Variants in HYDIN observed in about 807,000 individuals in gnomAD.
HYDIN encodes the protein axonemal central pair apparatus protein HYDIN.
Under a neutral mutation model 403.9 loss-of-function variants are expected in HYDIN, and 132 were observed. That is an observed-to-expected ratio of 0.33 (90% CI 0.28 to 0.38). The LOEUF is 0.38. HYDIN is among the 10% of genes least tolerant of loss of function. The pLI, the probability that HYDIN is intolerant of heterozygous loss-of-function variation, is 1.00. For synonymous variants in HYDIN, 1,202 were observed against 1,891.7 expected, an observed-to-expected ratio of 0.64 and a Z score of 9.46; for missense variants, 2,827 against 5,009.5, an observed-to-expected ratio of 0.56 and a Z score of 13.15.
Position 71,069,500 on chromosome 16 carries a change from A to T in HYDIN, c.1741T>A (p.Phe581Ile). Residue 581 changes from phenylalanine (F) to isoleucine (I), a missense_variant and splice_region_variant, in exon 14 of 86, where the codon TTT becomes ATT. Phe to Ile is a conservative substitution (Grantham distance 21). Transcript: ENST00000393567. ...ALHFGDVSFG[F>I]PHTLICSLNN... ...AGGGAACATATCAAGGTATGAGGAA[A>T]CCCTGGAAAACAAAATATGATGTGA... 6.2e-7 allele frequency: 1 copy of T among 1,611,942 alleles called. No individual in the cohort carries two copies. Among genetic ancestry groups the T allele is most frequent in the Non-Finnish European group, 8.5e-7 (1 of 1,178,566 alleles).
intron 41 of HYDIN, among the ~76,000 whole-genome samples, chr16:70,951,395 C>T: frequency 6.6e-6 from 1 of 152,000 alleles, no homozygotes; most frequent in East Asian, 1.9e-4. Flanking sequence ...CCAATTTCTG[C>T]TTCTATACTG....
chr16:70,957,119 AAACTAT>A (rs1370470515), intron 39 of HYDIN, among the ~76,000 whole-genome samples: 3 of 151,410 alleles, frequency 2.0e-5, no homozygotes, highest in Non-Finnish European at 4.4e-5. Flanking sequence ...TGTACCCATT[AAACTAT>A]AACTCCCCAG....
In HYDIN at chr16:70,805,141, G is replaced by A. The variant is rs1180541352; in HGVS notation, c.*2439C>T. Among the ~76,000 whole-genome samples the A allele has an allele frequency of 6.6e-6, 1 of 152,214 alleles. No homozygotes were observed. The highest frequency in any genetic ancestry group is 1.5e-5 in the Non-Finnish European group (1 of 68,038). On this transcript the variant is annotated 3_prime_UTR_variant, in exon 86 of 86. Coordinates refer to ENST00000393567, the MANE Select transcript of HYDIN (RefSeq NM_001270974.2). ...TGGAAGGAGGCACATTTTGGGGAGGGTTAATTTCATCAACTAGGTCCTATG... is the reference window on the plus strand; with the variant it reads ...TGGAAGGAGGCACATTTTGGGGAGGATTAATTTCATCAACTAGGTCCTATG...
chr16:70,810,180 C>G (rs2035383157), intron 84 of HYDIN, among the ~76,000 whole-genome samples, 173 bp from the exon 85 acceptor site: 1 of 152,172 alleles, frequency 6.6e-6, no homozygotes, highest in Non-Finnish European at 1.5e-5. Context: ...TCCCCTGTAC[C>G]TCTCCTAGCT....
At chr16:71,036,024 G>C (rs1386036664) in intron 18 of HYDIN, among the ~76,000 whole-genome samples, 1 of 151,800 alleles carries the variant, frequency 6.6e-6, no homozygotes, top group Non-Finnish European at 1.5e-5. Context: ...ACAGTAAAGA[G>C]AGTTGAGTGT....
chr16:71,129,537 C>T, intron 9 of HYDIN, 103 bp downstream of exon 9: 2 of 1,159,818 alleles, frequency 1.7e-6, no homozygotes, highest in Non-Finnish European at 2.4e-6. Context: ...TCTTCACTCT[C>T]TTGCAACTCA....
intron 18 of HYDIN, among the ~76,000 whole-genome samples, chr16:71,046,656 G>A (rs921422387): frequency 3.3e-5 from 5 of 152,204 alleles, no homozygotes; most frequent in Non-Finnish European, 7.3e-5. Context: ...AAGAGAAAAC[G>A]AAACAGAGGT....
chr16:71,190,881 T>C (rs984684723), intron 1 of HYDIN, among the ~76,000 whole-genome samples: 59 of 152,212 alleles, frequency 3.9e-4, no homozygotes, highest in Admixed American at 1.3e-4. Flanking sequence ...ATGTATGTTC[T>C]GTAAGAATAC....
chr16:71,208,002 T>G (rs183778084), intron 1 of HYDIN, among the ~76,000 whole-genome samples: 1 of 152,220 alleles, frequency 6.6e-6, no homozygotes, highest in East Asian at 1.9e-4. Flanking sequence ...CTGACAGCAT[T>G]AGACAGATAA....
rs565483334 is a variant in HYDIN at position 71,115,142 on chromosome 16, T to C, written c.1327+554A>G. On this transcript the variant is annotated intron_variant, in intron 10 of 85. Coordinates refer to ENST00000393567, the MANE Select transcript of HYDIN (RefSeq NM_001270974.2). Reference sequence around the variant, plus strand: ...AATTATAATTCCCATAATTCCCACGTGTCAAGGGAAAGACTATGTGGAGGT... The same window carrying C: ...AATTATAATTCCCATAATTCCCACGCGTCAAGGGAAAGACTATGTGGAGGT... Among the ~76,000 whole-genome samples, 217 of 151,390 alleles carry C rather than the reference T, an allele frequency of 1.4e-3. 2 individuals are homozygous for C. The East Asian group carries it at 0.031, about 21-fold the overall frequency.
chr16:70,878,341 T>A (rs7206211), intron 62 of HYDIN, among the ~76,000 whole-genome samples: 9,757 of 142,656 alleles, frequency 0.068, 1,283 homozygotes, highest in African/African-American at 0.25. Context: ...CTCAGGTATG[T>A]CTTTATTGGT....
intron 64 of HYDIN, among the ~76,000 whole-genome samples, chr16:70,872,951 C>T (rs1337693307): frequency 8.8e-6 from 1 of 113,796 alleles, no homozygotes; most frequent in Admixed American, 8.7e-5. Context: ...CCTATCTACC[C>T]ATCATCATCC....
At chr16:71,209,909 T>C (rs1387660833) in intron 1 of HYDIN, among the ~76,000 whole-genome samples, 1 of 152,132 alleles carries the variant, frequency 6.6e-6, no homozygotes, top group African/African-American at 2.4e-5. Context: ...TGGAAGGATA[T>C]TACATGCTCA....
rs199795672 is a variant in HYDIN, at chr16:70,862,078, A to G, written c.11747T>C (p.Ile3916Thr). The change falls in exon 69 of 86, where the codon ATT becomes ACT. Residue 3916 changes from isoleucine (I) to threonine (T), a missense_variant. Transcript: ENST00000393567. The stretch of plus-strand genomic sequence containing the variant: ...GAAAAGGTTGCTCTCGAAGTCTCCA[A>G]TGTCCAACGGGGAGAATTTTACTTT... ...KFKVKFSPLD[I>T]GDFESNLFCQ... 3.6e-5 allele frequency: 57 copies of G among 1,603,576 alleles called. No homozygotes were observed. The Admixed American group carries it at 4.3e-4, about 12-fold the overall frequency.
chr16:70,872,829 T>A (rs576020270), intron 64 of HYDIN, among the ~76,000 whole-genome samples: 1 of 147,916 alleles, frequency 6.8e-6, no homozygotes, highest in South Asian at 2.2e-4. Flanking sequence ...CATCCATCCA[T>A]ATATCCATCC....
rs566499707 is a variant in HYDIN, at chr16:70,915,263, G to C, written c.8004+2948C>G. On this transcript the variant is annotated intron_variant, in intron 47 of 85. Coordinates refer to ENST00000393567, the MANE Select transcript of HYDIN (RefSeq NM_001270974.2). ...GGTTTTCTGGTTCCTTCTTATTTGG[G>C]TAGGCTCTGTCAGAGGGAAAGTCTA... Among the ~76,000 whole-genome samples, 6 of 152,238 alleles carry C rather than the reference G, an allele frequency of 3.9e-5. No individual in the cohort carries two copies. In the South Asian group the frequency reaches 6.2e-4, roughly 16 times the overall value.
chr16:70,999,381 A>G (rs1424289980), intron 23 of HYDIN, among the ~76,000 whole-genome samples: 1 of 151,688 alleles, frequency 6.6e-6, no homozygotes, highest in African/African-American at 2.4e-5. Context: ...AAGAGCCCCA[A>G]TTAAGTAACT....
intron 10 of HYDIN, chr16:71,113,645 G>A (rs1210877575): frequency 2.1e-5 from 3 of 144,874 alleles, no homozygotes; most frequent in Non-Finnish European, 1.5e-5. Flanking sequence ...CCAGGCTGGT[G>A]TCCCGTGGTG....
chr16:70,995,581 G>A (rs2079505793), intron 23 of HYDIN, among the ~76,000 whole-genome samples: 1 of 152,012 alleles, frequency 6.6e-6, no homozygotes, highest in Admixed American at 6.5e-5. Context: ...TTTCTTCACT[G>A]GAAGCAGTGT....
Sources: gnomAD v4.1 joint callset for allele counts (sites outside exome capture counted in the v4.1 genomes callset) on GRCh38, gnomAD v4.1.1 for gene constraint, MANE v1.5 for transcripts, NCBI Gene and HGNC (gene_info 2026-07-23, HGNC 2026-07-21) for gene names.